Variants in CNTN4 observed in about 807,000 individuals in gnomAD.
The protein encoded by CNTN4 is contactin 4, also known as contactin-4.
CNTN4 carries 77 observed loss-of-function variants against 122.5 expected under a neutral mutation model. The observed-to-expected ratio is 0.63, with a 90% CI of 0.52 to 0.76. The LOEUF (loss-of-function observed/expected upper bound fraction) is 0.76, where lower values mean the gene tolerates loss of function less well. CNTN4 is among the 30% of genes least tolerant of loss of function. The pLI is 0.00. For synonymous variants in CNTN4, 512 were observed against 447.0 expected (o/e 1.15, Z -1.83); for missense variants, 1,256 against 1,259.1 (o/e 1.00, Z 0.04).
intron 2 of CNTN4, among the ~76,000 whole-genome samples, chr3:2,116,597 T>C (rs1022608720): frequency 6.6e-6 from 1 of 152,188 alleles, no homozygotes; most frequent in African/African-American, 2.4e-5. Context: ...CTAATTCTTC[T>C]AGGTAGATAT....
intron 6 of CNTN4, among the ~76,000 whole-genome samples, chr3:2,770,178 C>A (rs951675985): frequency 7.9e-5 from 12 of 151,928 alleles, no homozygotes; most frequent in Admixed American, 6.6e-5. Context: ...TACAGGCACG[C>A]GTCATCATGC....
intron 3 of CNTN4, among the ~76,000 whole-genome samples, chr3:2,551,778 A>T (rs2078517960): frequency 6.6e-6 from 1 of 152,110 alleles, no homozygotes; most frequent in South Asian, 2.1e-4. Flanking sequence ...TCTGTTAGAG[A>T]ATTATGCATA....
intron 4 of CNTN4, among the ~76,000 whole-genome samples, chr3:2,577,641 A>T (rs2149536831): frequency 6.6e-6 from 1 of 152,250 alleles, no homozygotes; most frequent in Non-Finnish European, 1.5e-5. Flanking sequence ...ATAGGGTTAG[A>T]GCTCAGCCTG....
At chr3:2,447,256 G>T (rs1481616873) in intron 3 of CNTN4, among the ~76,000 whole-genome samples, 5 of 152,124 alleles carry the variant, frequency 3.3e-5, no homozygotes, top group Admixed American at 1.3e-4. Flanking sequence ...TGCCATGAAT[G>T]TAACAGATTC....
At chr3:2,517,715 C>G (rs538014978) in intron 3 of CNTN4, among the ~76,000 whole-genome samples, 2 of 152,266 alleles carry the variant, frequency 1.3e-5, no homozygotes, top group South Asian at 2.1e-4. Flanking sequence ...TTTGCAAGAA[C>G]TTTGCCTCCT....
At chr3:2,647,848 T>C (rs370519166) in intron 4 of CNTN4, among the ~76,000 whole-genome samples, 1 of 152,380 alleles carries the variant, frequency 6.6e-6, no homozygotes, top group East Asian at 1.9e-4. Context: ...TGGTCATTGT[T>C]AGTTTACAGT....
At chr3:2,846,027 T>A (rs1051486705) in intron 7 of CNTN4, among the ~76,000 whole-genome samples, 1 of 152,132 alleles carries the variant, frequency 6.6e-6, no homozygotes, top group African/African-American at 2.4e-5. Context: ...CTTAAGAAGG[T>A]GTGGGAGCAG....
intron 2 of CNTN4, among the ~76,000 whole-genome samples, chr3:2,195,351 T>A (rs892607274): frequency 1.3e-5 from 2 of 152,214 alleles, no homozygotes; most frequent in African/African-American, 4.8e-5. Flanking sequence ...GATTACATAT[T>A]GTAGCCATTG....
chr3:2,519,293 T>C (rs1056922203), intron 3 of CNTN4, among the ~76,000 whole-genome samples: 2 of 152,168 alleles, frequency 1.3e-5, no homozygotes, highest in African/African-American at 4.8e-5. Context: ...TTATTTCTTG[T>C]GTGTCTAAGG....
intron 2 of CNTN4, among the ~76,000 whole-genome samples, chr3:2,175,788 G>C (rs2036723343): frequency 6.6e-6 from 1 of 152,152 alleles, no homozygotes. Flanking sequence ...AACCTGATCT[G>C]ATCATACAGA....
At position 2,916,668 on chromosome 3, in the gene CNTN4, G is replaced by A. The variant is rs1216825846; in HGVS notation, c.1208-8961G>A. On this transcript the variant is annotated intron_variant, in intron 12 of 24. Coordinates refer to ENST00000418658, the MANE Select transcript of CNTN4 (RefSeq NM_175607.3). ...CCCCACACTTCCCCCCCTTCCACTCGACAAAACCGCCATCGTCATCATGGC... is the reference window on the plus strand; with the variant it reads ...CCCCACACTTCCCCCCCTTCCACTCAACAAAACCGCCATCGTCATCATGGC... Among the ~76,000 whole-genome samples, 53 of 124,466 alleles carry A rather than the reference G, an allele frequency of 4.3e-4. 12 individuals carry two copies. Among genetic ancestry groups the A allele is most frequent in the Non-Finnish European group, 7.4e-4 (43 of 58,442 alleles). 81.7% of individuals were successfully genotyped at this position (124,466 alleles called of 152,430 possible). A position where few individuals can be genotyped will look rare whatever the true frequency, so the allele number is the denominator to read the frequency against.
chr3:2,767,714 A>T (rs1483368522), intron 6 of CNTN4, among the ~76,000 whole-genome samples: 1 of 152,098 alleles, frequency 6.6e-6, no homozygotes, highest in South Asian at 2.1e-4. Context: ...TCTGTCTCAG[A>T]TTTTCTCTAT....
chr3:2,231,020 G>A (rs1289518757), intron 2 of CNTN4, among the ~76,000 whole-genome samples: 4 of 151,944 alleles, frequency 2.6e-5, no homozygotes, highest in African/African-American at 4.8e-5. Flanking sequence ...GAAATATGAT[G>A]TGAATCAAAA....
chr3:2,918,099 T>A (rs951204145), intron 12 of CNTN4, among the ~76,000 whole-genome samples: 7 of 152,224 alleles, frequency 4.6e-5, no homozygotes, highest in Admixed American at 3.9e-4. Flanking sequence ...ATATATGCTC[T>A]CATTGCCTGC....
intron 4 of CNTN4, among the ~76,000 whole-genome samples, chr3:2,701,790 T>C (rs1166497533): frequency 2.0e-5 from 3 of 152,162 alleles, no homozygotes. Flanking sequence ...AATCCTTAAT[T>C]ATTAGATTGC....
At chr3:2,201,972 A>G (rs1375429067) in intron 2 of CNTN4, among the ~76,000 whole-genome samples, 1 of 152,170 alleles carries the variant, frequency 6.6e-6, no homozygotes, top group East Asian at 1.9e-4. Context: ...ATAAAATAAA[A>G]TATATTAAAA....
At chr3:2,516,972 G>A (rs925302054) in intron 3 of CNTN4, among the ~76,000 whole-genome samples, 2 of 152,066 alleles carry the variant, frequency 1.3e-5, no homozygotes, top group Non-Finnish European at 2.9e-5. Flanking sequence ...GGAAGTAGAG[G>A]AATGACTGTA....
intron 8 of CNTN4, among the ~76,000 whole-genome samples, chr3:2,881,219 AAGGG>A (rs1167497360): frequency 7.9e-5 from 12 of 152,150 alleles, no homozygotes; most frequent in Non-Finnish European, 1.5e-5. Context: ...GGCTGATGAA[AAGGG>A]TCACCTCGGT....
chr3:2,824,603 A>G (rs972049623), intron 7 of CNTN4, among the ~76,000 whole-genome samples: 7 of 152,220 alleles, frequency 4.6e-5, no homozygotes, highest in African/African-American at 1.4e-4. Flanking sequence ...CGATTTCCAC[A>G]TCACTCAAGC....
Sources: allele counts gnomAD v4.1 joint callset (sites outside exome capture counted in the v4.1 genomes callset), GRCh38; gene constraint gnomAD v4.1.1; transcripts MANE v1.5; gene names NCBI Gene and HGNC (gene_info 2026-07-23, HGNC 2026-07-21).